Variants in SCMH1 observed in about 807,000 individuals in gnomAD.
SCMH1 encodes the protein Scm polycomb group protein homolog 1.
Under a neutral mutation model 70.8 loss-of-function variants are expected in SCMH1, and 37 were observed. That is an observed-to-expected ratio of 0.52 (90% CI 0.40 to 0.69). The LOEUF (loss-of-function observed/expected upper bound fraction) is 0.69. Ranked by LOEUF, SCMH1 falls within the 30% of genes least tolerant of loss-of-function variation. The pLI is 0.00. For synonymous variants in SCMH1, 292 were observed against 307.4 expected (o/e 0.95, Z 0.52); for missense variants, 607 against 827.3 (o/e 0.73, Z 3.27).
chr1:41,042,196 G>A (rs1646264839), intron 12 of SCMH1, among the ~76,000 whole-genome samples: 1 of 151,438 alleles, frequency 6.6e-6, no homozygotes, highest in Middle Eastern at 3.5e-3. Context: ...CCCTAATACT[G>A]AAGGTAGGGA....
chr1:41,237,128 G>A (rs1662544944), intron 1 of SCMH1, among the ~76,000 whole-genome samples: 1 of 152,202 alleles, frequency 6.6e-6, no homozygotes. Flanking sequence ...AAGTAAAAGT[G>A]ATCTGCCAGG....
intron 8 of SCMH1, among the ~76,000 whole-genome samples, chr1:41,091,410 C>T (rs1381854977): frequency 1.4e-4 from 22 of 152,146 alleles, no homozygotes; most frequent in Non-Finnish European, 2.9e-4. Flanking sequence ...TTATTTATGA[C>T]AAACCCACAG....
intron 1 of SCMH1, among the ~76,000 whole-genome samples, chr1:41,199,736 G>A (rs1653850845): frequency 1.3e-5 from 2 of 151,932 alleles, no homozygotes; most frequent in South Asian, 2.1e-4. Context: ...AATAGGGGGT[G>A]GGGGTGGGAG....
chr1:41,039,281 A>C (rs1262960856), intron 12 of SCMH1, among the ~76,000 whole-genome samples: 1 of 152,200 alleles, frequency 6.6e-6, no homozygotes, highest in African/African-American at 2.4e-5. Context: ...TCCTTTCAGC[A>C]ATGCTAAGAA....
At chr1:41,119,918 TA>T (rs1671508964) in intron 6 of SCMH1, among the ~76,000 whole-genome samples, 1 of 152,106 alleles carries the variant, frequency 6.6e-6, no homozygotes, top group African/African-American at 2.4e-5. Context: ...GACAATGGTT[TA>T]AAAAAATTAA....
chr1:41,100,182 C>G (rs3766321), intron 8 of SCMH1, among the ~76,000 whole-genome samples: 11,887 of 152,104 alleles, frequency 0.078, 599 homozygotes, highest in South Asian at 0.13. Context: ...TAAAAAAGAG[C>G]AAGTATCTGA....
intron 1 of SCMH1, among the ~76,000 whole-genome samples, chr1:41,218,506 A>T (rs1658562660): frequency 6.6e-6 from 1 of 152,190 alleles, no homozygotes; most frequent in Non-Finnish European, 1.5e-5. Flanking sequence ...GGAAAAGGCA[A>T]GAAAAGATTC....
At chr1:41,035,506 C>T (rs1459021470) in intron 13 of SCMH1, among the ~76,000 whole-genome samples, 1 of 152,112 alleles carries the variant, frequency 6.6e-6, no homozygotes, top group Non-Finnish European at 1.5e-5. Context: ...AAGACTAGTC[C>T]AGTCTATCAG....
chr1:41,028,541 C>G, intron 14 of SCMH1, 43 bp downstream of exon 15: 1 of 1,611,782 alleles, frequency 6.2e-7, no homozygotes, highest in South Asian at 1.1e-5. Flanking sequence ...AGGTGAGGCT[C>G]TCCACACAGG....
intron 6 of SCMH1, among the ~76,000 whole-genome samples, chr1:41,130,265 T>G (rs1327463212): frequency 1.3e-5 from 2 of 152,200 alleles, no homozygotes; most frequent in African/African-American, 4.8e-5. Flanking sequence ...TTTTTAAAAA[T>G]ATTTTTTGAA....
At chr1:41,044,776 G>C (rs571202520) in intron 12 of SCMH1, among the ~76,000 whole-genome samples, 1 of 152,218 alleles carries the variant, frequency 6.6e-6, no homozygotes, top group Non-Finnish European at 1.5e-5. Flanking sequence ...CTCTTATCTA[G>C]TGGCTGAATC....
intron 8 of SCMH1, among the ~76,000 whole-genome samples, chr1:41,107,545 G>C (rs1572185743): frequency 1.3e-5 from 2 of 152,050 alleles, no homozygotes; most frequent in East Asian, 3.9e-4. Flanking sequence ...TCTTGAGACA[G>C]AGTCTTGCTC....
At chr1:41,084,563 G>A (rs1227453063) in intron 8 of SCMH1, among the ~76,000 whole-genome samples, 2 of 152,136 alleles carry the variant, frequency 1.3e-5, no homozygotes, top group African/African-American at 2.4e-5. Context: ...GTGGAAGTCA[G>A]TGTGGCGATT....
chr1:41,066,979 A>G (rs1654811121), intron 10 of SCMH1, among the ~76,000 whole-genome samples: 1 of 152,186 alleles, frequency 6.6e-6, no homozygotes, highest in Non-Finnish European at 1.5e-5. Flanking sequence ...CTTGGTATTT[A>G]TCCAAAGGAG....
At chr1:41,093,099 A>G (rs1487482949) in intron 8 of SCMH1, among the ~76,000 whole-genome samples, 3 of 152,074 alleles carry the variant, frequency 2.0e-5, no homozygotes. Context: ...CACTATTCAC[A>G]ATAGCAAAGA....
chr1:41,198,259 C>T (rs1297135051), intron 1 of SCMH1, among the ~76,000 whole-genome samples: 2 of 152,186 alleles, frequency 1.3e-5, no homozygotes, highest in African/African-American at 4.8e-5. Flanking sequence ...ATCATCACCA[C>T]AGTTCTCTGG....
At chr1:41,151,851 T>C (rs1306472982) in intron 4 of SCMH1, among the ~76,000 whole-genome samples, 167 bp from the exon 5 acceptor site, 2 of 152,174 alleles carry the variant, frequency 1.3e-5, no homozygotes, top group Non-Finnish European at 2.9e-5. Context: ...AGAATCTAAG[T>C]GACCTGAGCG....
chr1:41,033,516 C>G (rs1180467204), intron 13 of SCMH1, among the ~76,000 whole-genome samples: 1 of 152,156 alleles, frequency 6.6e-6, no homozygotes, highest in Non-Finnish European at 1.5e-5. Flanking sequence ...CTTGCCCTGT[C>G]TTTTCCTATT....
At chr1:41,154,415 C>G (rs946709954) in intron 4 of SCMH1, among the ~76,000 whole-genome samples, 2 of 152,102 alleles carry the variant, frequency 1.3e-5, no homozygotes, top group African/African-American at 2.4e-5. Flanking sequence ...TCCTTCCAAG[C>G]CTAAGTTTAC....
Sources: gnomAD v4.1 joint callset for allele counts (sites outside exome capture counted in the v4.1 genomes callset) on GRCh38, gnomAD v4.1.1 for gene constraint, MANE v1.5 for transcripts, NCBI Gene and HGNC (gene_info 2026-07-23, HGNC 2026-07-21) for gene names.